TP63: variants seen among roughly 807,000 people sequenced by gnomAD.
TP63 encodes the protein tumor protein p63, also known as tumor protein 63.
In TP63, 17 loss-of-function variants were observed where a neutral mutation model predicts 82.8. The ratio of observed to expected loss-of-function variants is 0.21; its 90% CI spans 0.14 to 0.31. The LOEUF is 0.31. TP63 is among the 10% of genes least tolerant of loss of function. The probability of loss-of-function intolerance (pLI) is 1.00; values close to 1 mark genes in which losing one functional copy is unlikely to be tolerated. For synonymous variants in TP63, 330 were observed against 321.7 expected (o/e 1.03, Z -0.28); for missense variants, 648 against 895.3 (o/e 0.72, Z 3.52).
intron 4 of TP63, among the ~76,000 whole-genome samples, chr3:189,813,366 A>G (rs1279421552): frequency 1.3e-5 from 2 of 152,174 alleles, no homozygotes; most frequent in African/African-American, 4.8e-5. Context: ...AGGGAAAAAG[A>G]AAGCTTTCTG....
chr3:189,822,227 G>A (rs747131846), intron 4 of TP63, among the ~76,000 whole-genome samples: 2 of 152,112 alleles, frequency 1.3e-5, no homozygotes, highest in Admixed American at 6.6e-5. Context: ...ATAGATTTAG[G>A]ATTAGAATTT....
intron 3 of TP63, among the ~76,000 whole-genome samples, chr3:189,745,622 G>A (rs930150561): frequency 7.0e-5 from 10 of 142,374 alleles, no homozygotes; most frequent in African/African-American, 2.6e-4. Flanking sequence ...TAGGAGAATC[G>A]CTTGAACCCA....
At chr3:189,751,033 T>C (rs1309252149) in intron 3 of TP63, among the ~76,000 whole-genome samples, 1 of 152,124 alleles carries the variant, frequency 6.6e-6, no homozygotes, top group Non-Finnish European at 1.5e-5. Flanking sequence ...AGTGTTCTGA[T>C]TGTTCAGTTC....
chr3:189,831,001 C>T (rs548270517), intron 4 of TP63, among the ~76,000 whole-genome samples: 2 of 152,188 alleles, frequency 1.3e-5, no homozygotes, highest in Non-Finnish European at 2.9e-5. Flanking sequence ...CAAAGTTCCT[C>T]TACCAGCTTT....
chr3:189,655,750 G>A (rs1486407602), intron 1 of TP63, among the ~76,000 whole-genome samples: 4 of 152,230 alleles, frequency 2.6e-5, no homozygotes, highest in East Asian at 3.8e-4. Flanking sequence ...TTGAGGCTGT[G>A]TAGACTATCT....
In TP63 at chr3:189,642,543, T is replaced by A. The variant is rs73063892; in HGVS notation, c.62+10966T>A. On this transcript the variant is annotated intron_variant, in intron 1 of 13. Transcript: ENST00000264731. Reference sequence around the variant, plus strand: ...TATACCTCCTAACTTAATCTATATGTCTATTTTTTTTTTCATGTATAAAGA... The same window carrying A: ...TATACCTCCTAACTTAATCTATATGACTATTTTTTTTTTCATGTATAAAGA... Among the ~76,000 whole-genome samples the A allele has an allele frequency of 8.7e-3, 1,315 of 151,648 alleles. 27 individuals are homozygous for A. Among genetic ancestry groups the A allele is most frequent in the African/African-American group, 0.03 (1,256 of 41,418 alleles).
At chr3:189,826,162 A>G (rs1729325880) in intron 4 of TP63, among the ~76,000 whole-genome samples, 2 of 152,244 alleles carry the variant, frequency 1.3e-5, no homozygotes, top group Admixed American at 1.3e-4. Context: ...TCTAGTTCAT[A>G]AAACCAAATC....
chr3:189,866,844 A>T, intron 6 of TP63, 47 bp downstream of exon 6: 1 of 1,455,938 alleles, frequency 6.9e-7, no homozygotes, highest in Non-Finnish European at 9.6e-7. Context: ...CTATGGACTG[A>T]GTAGACTTGA....
intron 1 of TP63, among the ~76,000 whole-genome samples, chr3:189,660,780 C>G (rs1713808752): frequency 6.6e-6 from 1 of 151,624 alleles, no homozygotes; most frequent in African/African-American, 2.4e-5. Flanking sequence ...GATCTTTCAC[C>G]TTCGATGTTA....
intron 4 of TP63, among the ~76,000 whole-genome samples, chr3:189,832,930 T>C (rs555641462): frequency 6.6e-6 from 1 of 152,358 alleles, no homozygotes; most frequent in South Asian, 2.1e-4. Flanking sequence ...TTTACTATTA[T>C]GCGTCTGTTA....
At chr3:189,723,164 T>G (rs1719518854) in intron 1 of TP63, among the ~76,000 whole-genome samples, 2 of 152,134 alleles carry the variant, frequency 1.3e-5, no homozygotes, top group South Asian at 4.1e-4. Flanking sequence ...AGTCAAGACC[T>G]TTTTTTCCTT....
the TP63 span, among the ~76,000 whole-genome samples, chr3:189,601,180 C>A: frequency 2.1e-4 from 32 of 152,256 alleles, no homozygotes; most frequent in African/African-American, 5.5e-4. Context: ...ACTTGAGCTG[C>A]AATCTTGTGC....
In TP63 at chr3:189,631,455, T is replaced by C; in HGVS notation, c.-61T>C. The stretch of plus-strand genomic sequence containing the variant: ...GGCTTTATATCTATATATACACAGG[T>C]ATATGTGTATATTTTATATAATTGT... On this transcript the variant is annotated 5_prime_UTR_variant, in exon 1 of 14. Transcript: ENST00000264731. 1 of 1,609,226 alleles carries C rather than the reference T, an allele frequency of 6.2e-7. No homozygotes were observed. The highest frequency in any genetic ancestry group is 8.5e-7 in the Non-Finnish European group (1 of 1,177,226).
Position 189,866,589 on chromosome 3 carries a change from T to C in TP63, c.767-93T>C, listed in dbSNP as rs150454894. On this transcript the variant is annotated intron_variant, in intron 5 of 13. Transcript: ENST00000264731. ...TTTTCTTTATTATACAGACTATTTCTTTTGCCACCAACATCCTGTTCATGC... is the reference window on the plus strand; with the variant it reads ...TTTTCTTTATTATACAGACTATTTCCTTTGCCACCAACATCCTGTTCATGC... 9.9e-4 allele frequency: 1,138 copies of C among 1,153,240 alleles called. 11 individuals are homozygous for C. The African/African-American group carries it at 0.015, about 16-fold the overall frequency. The allele number at this position is 1,153,240 out of a possible 1,614,324, so 71.4% of individuals were successfully genotyped here. A position where few individuals can be genotyped will look rare whatever the true frequency, so the allele number is the denominator to read the frequency against.
intron 3 of TP63, among the ~76,000 whole-genome samples, chr3:189,765,433 C>CTTTTTTTGTTTTTTT (rs1722873151): frequency 3.3e-5 from 1 of 30,088 alleles, no homozygotes; most frequent in Non-Finnish European, 5.9e-5. Context: ...CTGTCCTCTG[C>CTTTTTTTGTTTTTTT]TTTTTTTTTT....
chr3:189,640,231 A>C (rs982625273), intron 1 of TP63, among the ~76,000 whole-genome samples: 2 of 152,068 alleles, frequency 1.3e-5, no homozygotes, highest in African/African-American at 4.8e-5. Flanking sequence ...TTTCTATTTT[A>C]CTTTTTTCCT....
chr3:189,828,262 AAG>A (rs201090494), intron 4 of TP63, among the ~76,000 whole-genome samples: 2 of 151,518 alleles, frequency 1.3e-5, no homozygotes, highest in African/African-American at 2.4e-5. Context: ...AAAAAAAAAA[AAG>A]AGAGAGAGAT....
chr3:189,877,935 T>C (rs1186067660), intron 10 of TP63, among the ~76,000 whole-genome samples: 1 of 152,126 alleles, frequency 6.6e-6, no homozygotes, highest in Admixed American at 6.5e-5. Context: ...AGGCTGGACT[T>C]GGACTTCTGG....
At chr3:189,683,434 T>C (rs1716149435) in intron 1 of TP63, among the ~76,000 whole-genome samples, 1 of 152,234 alleles carries the variant, frequency 6.6e-6, no homozygotes, top group South Asian at 2.1e-4. Context: ...ACATAATGTT[T>C]TGATAATAAT....
Sources: allele counts gnomAD v4.1 joint callset (sites outside exome capture counted in the v4.1 genomes callset), GRCh38; gene constraint gnomAD v4.1.1; transcripts MANE v1.5; gene names NCBI Gene and HGNC (gene_info 2026-07-23, HGNC 2026-07-21).